The following NCKAP5 variants were observed in gnomAD, a reference collection of about 807,000 sequenced individuals.
The protein encoded by NCKAP5 is nck-associated protein 5.
NCKAP5 carries 92 observed loss-of-function variants against 167.0 expected under a neutral mutation model. The observed-to-expected ratio is 0.55, with a 90% CI of 0.47 to 0.66. NCKAP5 has a LOEUF of 0.66. Among genes scored for constraint, NCKAP5 ranks in the 30% least tolerant of loss-of-function variants. The pLI, the probability that NCKAP5 is intolerant of heterozygous loss-of-function variation, is 0.00. For synonymous variants in NCKAP5, 891 were observed against 877.4 expected (o/e 1.02, Z -0.27); for missense variants, 2,378 against 2,315.0 (o/e 1.03, Z -0.56).
chr2:133,247,934 C>T (rs904003630), intron 4 of NCKAP5, among the ~76,000 whole-genome samples: 9 of 152,134 alleles, frequency 5.9e-5, no homozygotes, highest in African/African-American at 1.9e-4. Flanking sequence ...TTGTAAAGTC[C>T]TATGAGGGGA....
intron 10 of NCKAP5, among the ~76,000 whole-genome samples, chr2:132,865,158 G>A (rs551486536): frequency 1.3e-5 from 2 of 152,180 alleles, no homozygotes; most frequent in South Asian, 4.2e-4. Flanking sequence ...GAAAAGGCTG[G>A]TCACATCTCA....
chr2:133,417,147 TTTTG>T (rs1689164152), intron 3 of NCKAP5, among the ~76,000 whole-genome samples: 1 of 150,836 alleles, frequency 6.6e-6, no homozygotes, highest in African/African-American at 2.4e-5. Context: ...AAAGGCAGTG[TTTTG>T]TTTGTTTCTT....
At chr2:133,021,730 AAGTAATTCTTGTGCCTCAG>A (rs2078536088) in intron 6 of NCKAP5, among the ~76,000 whole-genome samples, 1 of 152,180 alleles carries the variant, frequency 6.6e-6, no homozygotes, top group African/African-American at 2.4e-5. Context: ...TCCTGGGTTC[AAGTAATTCTTGTGCCTCAG>A]CCTCCCAAGT....
chr2:133,344,308 T>C (rs562415641), intron 3 of NCKAP5, among the ~76,000 whole-genome samples: 17 of 150,528 alleles, frequency 1.1e-4, no homozygotes, highest in African/African-American at 3.9e-4. Context: ...CCCAGAAGGC[T>C]GAGGCGGGAG....
intron 8 of NCKAP5, among the ~76,000 whole-genome samples, chr2:132,899,381 T>G (rs1019836836): frequency 4.8e-4 from 73 of 152,374 alleles, no homozygotes; most frequent in African/African-American, 1.6e-3. Context: ...CACTGAAACT[T>G]TCTCCATAAT....
At chr2:133,181,205 G>T (rs1312421093) in intron 5 of NCKAP5, among the ~76,000 whole-genome samples, 2 of 152,168 alleles carry the variant, frequency 1.3e-5, no homozygotes, top group East Asian at 3.9e-4. Flanking sequence ...AGCAGGACAG[G>T]TAAAAGGGAC....
chr2:133,547,483 A>C (rs12463819), intron 2 of NCKAP5, among the ~76,000 whole-genome samples: 10,756 of 151,732 alleles, frequency 0.071, 450 homozygotes, highest in East Asian at 0.27. Context: ...TCCCTGTCTG[A>C]CAGCTTTGAA....
chr2:132,758,552 T>C (rs1033606097), intron 16 of NCKAP5, among the ~76,000 whole-genome samples: 1 of 152,160 alleles, frequency 6.6e-6, no homozygotes, highest in Non-Finnish European at 1.5e-5. Context: ...AAGATGAGAA[T>C]TCAAGGGTTG....
At chr2:132,872,750 T>A (rs1019480329) in intron 9 of NCKAP5, among the ~76,000 whole-genome samples, 1 of 152,200 alleles carries the variant, frequency 6.6e-6, no homozygotes, top group Non-Finnish European at 1.5e-5. Flanking sequence ...AAGTATGTGT[T>A]TTTGAAAATG....
At chr2:132,999,083 G>T (rs1179485658) in intron 6 of NCKAP5, among the ~76,000 whole-genome samples, 1 of 152,082 alleles carries the variant, frequency 6.6e-6, no homozygotes, top group Non-Finnish European at 1.5e-5. Context: ...TTTTTAAAAA[G>T]TTAACTCCTA....
intron 19 of NCKAP5, among the ~76,000 whole-genome samples, chr2:132,694,149 TTTTC>T (rs1209187867): frequency 1.3e-5 from 2 of 151,830 alleles, no homozygotes; most frequent in Admixed American, 6.6e-5. Context: ...TTTGAATTTC[TTTTC>T]TTTATTTGAC....
chr2:133,276,043 T>C (rs2089715107), intron 4 of NCKAP5, among the ~76,000 whole-genome samples: 3 of 151,936 alleles, frequency 2.0e-5, no homozygotes, highest in African/African-American at 7.2e-5. Flanking sequence ...CTCTTCCTCT[T>C]TTTGCTCCTC....
chr2:132,756,605 TA>T (rs528675057), intron 16 of NCKAP5, among the ~76,000 whole-genome samples: 118 of 151,888 alleles, frequency 7.8e-4, no homozygotes, highest in Non-Finnish European at 1.3e-3. Context: ...TAAGTTCTTT[TA>T]AAAAAAAATT....
At chr2:133,383,908 G>C (rs1686724875) in intron 3 of NCKAP5, among the ~76,000 whole-genome samples, 1 of 152,074 alleles carries the variant, frequency 6.6e-6, no homozygotes, top group Non-Finnish European at 1.5e-5. Context: ...TTTTTGATGG[G>C]GTTGTTTTTT....
the NCKAP5 span, among the ~76,000 whole-genome samples, chr2:133,619,037 C>A: frequency 7.2e-6 from 1 of 138,876 alleles, no homozygotes; most frequent in Non-Finnish European, 1.6e-5. Context: ...TCATCATTCT[C>A]AGTAAACTAT....
chr2:133,323,263 G>T (rs747235320), intron 3 of NCKAP5, among the ~76,000 whole-genome samples: 2 of 152,054 alleles, frequency 1.3e-5, no homozygotes, highest in Non-Finnish European at 2.9e-5. Flanking sequence ...ATTAAATCAG[G>T]AAATGCATGC....
At chr2:132,703,139 C>T (rs1265090489) in intron 19 of NCKAP5, among the ~76,000 whole-genome samples, 2 of 152,044 alleles carry the variant, frequency 1.3e-5, no homozygotes, top group African/African-American at 2.4e-5. Context: ...TATGATCATA[C>T]TAGTACACTC....
chr2:133,567,027 GC>G (rs1688600737), intron 1 of NCKAP5, among the ~76,000 whole-genome samples: 1 of 152,220 alleles, frequency 6.6e-6, no homozygotes, highest in Non-Finnish European at 1.5e-5. Flanking sequence ...GGTAGTGAAG[GC>G]TGTCACCATG....
chr2:133,501,660 A>G (rs1682528313), intron 3 of NCKAP5, among the ~76,000 whole-genome samples: 1 of 152,218 alleles, frequency 6.6e-6, no homozygotes, highest in Middle Eastern at 3.2e-3. Flanking sequence ...TGTGTTAGTT[A>G]GGTGTGTATA....
Sources: allele counts gnomAD v4.1 joint callset (sites outside exome capture counted in the v4.1 genomes callset), GRCh38; gene constraint gnomAD v4.1.1; transcripts MANE v1.5; gene names NCBI Gene and HGNC (gene_info 2026-07-23, HGNC 2026-07-21).